The following ULK4 variants were observed in gnomAD, a reference collection of about 807,000 sequenced individuals.
ULK4 encodes inactive serine/threonine-protein kinase ULK4.
In ULK4, 133 loss-of-function variants were observed where a neutral mutation model predicts 160.6. That is an observed-to-expected ratio of 0.83 (90% CI 0.72 to 0.96). The LOEUF (loss-of-function observed/expected upper bound fraction) is 0.96. Ranked by LOEUF, ULK4 falls within the 40% of genes least tolerant of loss-of-function variation. The probability of loss-of-function intolerance (pLI) is 0.00; values close to 1 mark genes in which losing one functional copy is unlikely to be tolerated. For missense variants in ULK4, 1,580 were observed against 1,499.5 expected, an observed-to-expected ratio of 1.05 and a Z score of -0.89; for synonymous variants, 534 against 539.8, an observed-to-expected ratio of 0.99 and a Z score of 0.15.
chr3:41,878,675 TA>T (rs33987084), intron 17 of ULK4, among the ~76,000 whole-genome samples: 5,797 of 95,864 alleles, frequency 0.06, 384 homozygotes, highest in African/African-American at 0.21. Flanking sequence ...TTAAAACTGT[TA>T]AAAAAAAAAA....
intron 17 of ULK4, among the ~76,000 whole-genome samples, chr3:41,879,044 A>T (rs151250215): frequency 9.1e-4 from 138 of 152,344 alleles, no homozygotes; most frequent in African/African-American, 3.2e-3. Context: ...TTGGGCCAAG[A>T]CAAGGGACAA....
chr3:41,632,969 A>G (rs1047389422), intron 30 of ULK4, among the ~76,000 whole-genome samples: 2 of 152,290 alleles, frequency 1.3e-5, no homozygotes, highest in African/African-American at 4.8e-5. Flanking sequence ...GGGTGGACAG[A>G]TAGAGATGAA....
At chr3:41,493,143 C>T (rs912161858) in intron 32 of ULK4, among the ~76,000 whole-genome samples, 2 of 133,984 alleles carry the variant, frequency 1.5e-5, no homozygotes, top group African/African-American at 5.6e-5. Context: ...CAGTACCACA[C>T]CACACCTATT....
rs184462319 is a variant in ULK4, at chr3:41,289,906, G to C, written c.3679-40332C>G. Among the ~76,000 whole-genome samples, 317 of 152,010 alleles carry C rather than the reference G, an allele frequency of 2.1e-3. 2 individuals carry two copies. Among genetic ancestry groups the C allele is most frequent in the Middle Eastern group, 0.014 (4 of 294 alleles). On this transcript the variant is annotated intron_variant, in intron 35 of 36. Coordinates refer to ENST00000301831, the MANE Select transcript of ULK4 (RefSeq NM_017886.4). ...GTGTGTGTATGTGTGACGGAGTTTT[G>C]CTCTTGTTGCCCAGGCTGGAGCACA...
chr3:41,753,349 A>C (rs892387387), intron 22 of ULK4, among the ~76,000 whole-genome samples: 2 of 152,144 alleles, frequency 1.3e-5, no homozygotes, highest in African/African-American at 4.8e-5. Flanking sequence ...GTCAACCCCT[A>C]ATCTAGATCA....
chr3:41,348,430 T>C (rs1018775355), intron 35 of ULK4, among the ~76,000 whole-genome samples: 3 of 152,124 alleles, frequency 2.0e-5, no homozygotes, highest in Admixed American at 6.5e-5. Context: ...AAGGGCTTTA[T>C]TGACACTGAT....
At chr3:41,266,099 A>T (rs1422341969) in intron 35 of ULK4, among the ~76,000 whole-genome samples, 3 of 152,256 alleles carry the variant, frequency 2.0e-5, no homozygotes, top group Non-Finnish European at 4.4e-5. Flanking sequence ...TCCAAGGGCA[A>T]CATCAAAGAG....
chr3:41,425,429 A>G (rs2082756386), intron 34 of ULK4, among the ~76,000 whole-genome samples: 8 of 152,310 alleles, frequency 5.3e-5, no homozygotes, highest in Admixed American at 4.6e-4. Context: ...CCAACGTTCA[A>G]ATTCAGAAAA....
chr3:41,839,000 T>C lies in ULK4; in HGVS notation c.1657-3029A>G, dbSNP rs572297563. Among the ~76,000 whole-genome samples the C allele has an allele frequency of 5.4e-3, 819 of 152,316 alleles. 7 individuals are homozygous for C. Among genetic ancestry groups the C allele is most frequent in the Non-Finnish European group, 5.2e-3 (353 of 68,032 alleles). On this transcript the variant is annotated intron_variant, in intron 17 of 36. Coordinates refer to ENST00000301831, the MANE Select transcript of ULK4 (RefSeq NM_017886.4). ...AGGAGGAACAAGTTTTCAAGATCTA[T>C]TGCACAGCACGGTGACCATAGTTCA...
chr3:41,850,688 A>T (rs2042189198), intron 17 of ULK4, among the ~76,000 whole-genome samples: 1 of 152,048 alleles, frequency 6.6e-6, no homozygotes, highest in Admixed American at 6.5e-5. Flanking sequence ...GTTTGCGTTC[A>T]TTGTAGATTC....
At chr3:41,731,566 A>G (rs2037823142) in intron 22 of ULK4, among the ~76,000 whole-genome samples, 1 of 152,046 alleles carries the variant, frequency 6.6e-6, no homozygotes, top group African/African-American at 2.4e-5. Context: ...AAAGTGATCT[A>G]CAGATTAAAT....
intron 32 of ULK4, among the ~76,000 whole-genome samples, chr3:41,484,642 C>A (rs35398904): frequency 6.6e-6 from 1 of 151,788 alleles, no homozygotes; most frequent in East Asian, 1.9e-4. Context: ...TTAGTAGAGA[C>A]GGGGTTTCAC....
At chr3:41,826,212 T>C (rs1344236717) in intron 18 of ULK4, among the ~76,000 whole-genome samples, 3 of 152,214 alleles carry the variant, frequency 2.0e-5, no homozygotes, top group Middle Eastern at 3.4e-3. Context: ...ACATGCCAAA[T>C]TGTAAAGACG....
At chr3:41,773,078 A>C (rs1256940283) in intron 21 of ULK4, among the ~76,000 whole-genome samples, 3 of 152,042 alleles carry the variant, frequency 2.0e-5, no homozygotes, top group Non-Finnish European at 2.9e-5. Context: ...TCTCGAAATA[A>C]TAAGAGCTAT....
At chr3:41,727,075 T>C (rs531392798) in intron 22 of ULK4, among the ~76,000 whole-genome samples, 30 of 152,300 alleles carry the variant, frequency 2.0e-4, no homozygotes, top group Admixed American at 1.6e-3. Flanking sequence ...ACAATTTTCT[T>C]ACTCTCATCA....
At chr3:41,369,590 C>T (rs1166307753) in intron 35 of ULK4, among the ~76,000 whole-genome samples, 4 of 151,442 alleles carry the variant, frequency 2.6e-5, no homozygotes, top group East Asian at 1.9e-4. Context: ...GTCAGGAGAT[C>T]GAGACCATCC....
At position 41,836,755 on chromosome 3, in the gene ULK4, T is replaced by C. The variant is rs1016078950; in HGVS notation, c.1657-784A>G. Among the ~76,000 whole-genome samples the C allele has an allele frequency of 4.6e-5, 7 of 152,340 alleles. No homozygotes were observed. In the Middle Eastern group the frequency reaches 0.01, roughly 222 times the overall value. On this transcript the variant is annotated intron_variant, in intron 17 of 36. Transcript: ENST00000301831. ...AGAATGTTATACTAAAGTTGTAATA[T>C]AATGTACGCTGAAACTCGACAGCAT...
intron 30 of ULK4, among the ~76,000 whole-genome samples, chr3:41,646,923 C>T (rs1025297546): frequency 6.6e-6 from 1 of 152,214 alleles, no homozygotes; most frequent in African/African-American, 2.4e-5. Flanking sequence ...AACTTCCCTT[C>T]TCGCTTCATT....
intron 35 of ULK4, among the ~76,000 whole-genome samples, chr3:41,298,900 A>C (rs1186845247): frequency 1.3e-5 from 2 of 152,228 alleles, no homozygotes; most frequent in African/African-American, 4.8e-5. Context: ...GGTGATAAGG[A>C]AACTTGACAA....
Sources: gnomAD v4.1 joint callset for allele counts (sites outside exome capture counted in the v4.1 genomes callset) on GRCh38, gnomAD v4.1.1 for gene constraint, MANE v1.5 for transcripts, NCBI Gene and HGNC (gene_info 2026-07-23, HGNC 2026-07-21) for gene names.